ZCCHC7: variants seen among roughly 807,000 people sequenced by gnomAD.
The protein encoded by ZCCHC7 is zinc finger CCHC-type containing 7.
Under a neutral mutation model 52.0 loss-of-function variants are expected in ZCCHC7, and 35 were observed. The ratio of observed to expected loss-of-function variants is 0.67; its 90% CI spans 0.51 to 0.89. ZCCHC7 has a LOEUF of 0.89. Among genes scored for constraint, ZCCHC7 ranks in the 40% least tolerant of loss-of-function variants. ZCCHC7 has a pLI of 0.00. For synonymous variants in ZCCHC7, 217 were observed against 221.5 expected, an observed-to-expected ratio of 0.98 and a Z score of 0.18; for missense variants, 574 against 649.1, an observed-to-expected ratio of 0.88 and a Z score of 1.26.
At chr9:37,282,573 C>A (rs1164506487) in intron 2 of ZCCHC7, among the ~76,000 whole-genome samples, 4 of 144,218 alleles carry the variant, frequency 2.8e-5, no homozygotes, top group Admixed American at 2.1e-4. Flanking sequence ...CCACTGCATT[C>A]CAGCCTGGGA....
chr9:37,207,185 T>C (rs1017907542), intron 2 of ZCCHC7, among the ~76,000 whole-genome samples: 30 of 152,210 alleles, frequency 2.0e-4, no homozygotes, highest in African/African-American at 7.2e-4. Flanking sequence ...GTATATGTAG[T>C]CCTTGTTACT....
chr9:37,269,992 TTTG>T (rs1350886505), intron 2 of ZCCHC7, among the ~76,000 whole-genome samples: 1 of 152,162 alleles, frequency 6.6e-6, no homozygotes, highest in African/African-American at 2.4e-5. Context: ...AATAGAGGGC[TTTG>T]TTGTTTTATT....
At chr9:37,248,151 A>G (rs1195761278) in intron 2 of ZCCHC7, among the ~76,000 whole-genome samples, 2 of 152,206 alleles carry the variant, frequency 1.3e-5, no homozygotes, top group Non-Finnish European at 1.5e-5. Context: ...ATACATTTGT[A>G]TAATGCTTTA....
At chr9:37,188,750 TC>T (rs1214913519) in intron 2 of ZCCHC7, among the ~76,000 whole-genome samples, 19 of 906 alleles carry the variant, frequency 0.021, 1 homozygote, top group Middle Eastern at 0.5. Context: ...ACCCCTCTCT[TC>T]CCCCTCCCTC....
At chr9:37,248,694 T>C (rs1321392486) in intron 2 of ZCCHC7, among the ~76,000 whole-genome samples, 3 of 152,180 alleles carry the variant, frequency 2.0e-5, no homozygotes, top group African/African-American at 7.2e-5. Flanking sequence ...CATGATGAAA[T>C]TGATAAGCAT....
At chr9:37,135,666 T>A (rs1842968434) in intron 2 of ZCCHC7, among the ~76,000 whole-genome samples, 1 of 152,238 alleles carries the variant, frequency 6.6e-6, no homozygotes, top group Non-Finnish European at 1.5e-5. Context: ...TAGGTAAATT[T>A]ATTTGCAGTT....
chr9:37,253,201 T>C (rs1052279207), intron 2 of ZCCHC7, among the ~76,000 whole-genome samples: 16 of 152,046 alleles, frequency 1.1e-4, no homozygotes, highest in African/African-American at 3.9e-4. Flanking sequence ...GTGATTTCCC[T>C]TTATTTCCTG....
chr9:37,147,869 A>G (rs1462709264), intron 2 of ZCCHC7, among the ~76,000 whole-genome samples: 2 of 152,078 alleles, frequency 1.3e-5, no homozygotes, highest in Non-Finnish European at 2.9e-5. Context: ...TCTACATTAT[A>G]ACATATTGGA....
chr9:37,169,430 G>A (rs769847045), intron 2 of ZCCHC7, among the ~76,000 whole-genome samples: 66 of 152,284 alleles, frequency 4.3e-4, no homozygotes, highest in Middle Eastern at 3.4e-3. Flanking sequence ...TGAGATGTTT[G>A]GAAGACTTTG....
chr9:37,276,478 A>C (rs1827690340), intron 2 of ZCCHC7, among the ~76,000 whole-genome samples: 1 of 152,200 alleles, frequency 6.6e-6, no homozygotes, highest in Admixed American at 6.6e-5. Flanking sequence ...TTATCTGTAA[A>C]TAGGTGGTAA....
chr9:37,228,170 A>C (rs913424196), intron 2 of ZCCHC7, among the ~76,000 whole-genome samples: 4 of 152,174 alleles, frequency 2.6e-5, no homozygotes, highest in Admixed American at 6.5e-5. Context: ...TCCTATGACT[A>C]TTCTATAAAC....
chr9:37,257,479 A>G (rs1826645871), intron 2 of ZCCHC7, among the ~76,000 whole-genome samples: 3 of 152,230 alleles, frequency 2.0e-5, no homozygotes. Context: ...TGACAACTCA[A>G]CTATTTTCTA....
chr9:37,192,509 A>C (rs1356292069), intron 2 of ZCCHC7, among the ~76,000 whole-genome samples: 1 of 152,230 alleles, frequency 6.6e-6, no homozygotes, highest in Admixed American at 6.5e-5. Context: ...CATGATTGTA[A>C]GACAGCACTT....
chr9:37,161,651 T>G (rs1316504195), intron 2 of ZCCHC7, among the ~76,000 whole-genome samples: 1 of 152,150 alleles, frequency 6.6e-6, no homozygotes, highest in Non-Finnish European at 1.5e-5. Context: ...CTTTGTACAT[T>G]AATAATCTCA....
intron 2 of ZCCHC7, among the ~76,000 whole-genome samples, chr9:37,136,433 A>G (rs1384359074): frequency 1.3e-5 from 2 of 152,148 alleles, no homozygotes; most frequent in Admixed American, 6.5e-5. Flanking sequence ...TTTTTCAGAC[A>G]GGGTGTCTCT....
chr9:37,187,413 G>A (rs1822722430), intron 2 of ZCCHC7, among the ~76,000 whole-genome samples: 1 of 152,204 alleles, frequency 6.6e-6, no homozygotes, highest in Non-Finnish European at 1.5e-5. Context: ...ATCTAATGCA[G>A]CAGCTGATTT....
intron 2 of ZCCHC7, among the ~76,000 whole-genome samples, chr9:37,277,953 G>T (rs1368047501): frequency 6.6e-6 from 1 of 151,638 alleles, no homozygotes; most frequent in African/African-American, 2.4e-5. Context: ...GGCAACCAAG[G>T]GACACTATGG....
At chr9:37,325,010 A>G (rs1830184807) in intron 5 of ZCCHC7, among the ~76,000 whole-genome samples, 1 of 152,218 alleles carries the variant, frequency 6.6e-6, no homozygotes, top group African/African-American at 2.4e-5. Flanking sequence ...GTTCTCGTAA[A>G]ACAATAATTA....
intron 6 of ZCCHC7, among the ~76,000 whole-genome samples, chr9:37,329,944 C>A (rs1473845496): frequency 6.6e-6 from 1 of 151,718 alleles, no homozygotes; most frequent in African/African-American, 2.4e-5. Context: ...TTTTTCTAAC[C>A]AAAATTGTCA....
Sources: allele counts gnomAD v4.1 joint callset (sites outside exome capture counted in the v4.1 genomes callset), GRCh38; gene constraint gnomAD v4.1.1; transcripts MANE v1.5; gene names NCBI Gene and HGNC (gene_info 2026-07-23, HGNC 2026-07-21).